The following BRINP3 variants were observed in gnomAD, a reference collection of about 807,000 sequenced individuals.
The protein encoded by BRINP3 is BMP/retinoic acid inducible neural specific 3, also known as BMP/retinoic acid-inducible neural-specific protein 3.
A neutral mutation model predicts 71.0 loss-of-function variants in BRINP3; 19 were observed. That is an observed-to-expected ratio of 0.27 (90% CI 0.19 to 0.39). The LOEUF (loss-of-function observed/expected upper bound fraction) is 0.39. BRINP3 is among the 10% of genes least tolerant of loss of function. The pLI, the probability that BRINP3 is intolerant of heterozygous loss-of-function variation, is 1.00. For synonymous variants in BRINP3, 380 were observed against 337.7 expected, an observed-to-expected ratio of 1.13 and a Z score of -1.37; for missense variants, 959 against 940.8, an observed-to-expected ratio of 1.02 and a Z score of -0.25.
chr1:190,444,668 G>A (rs1675086991), intron 2 of BRINP3, among the ~76,000 whole-genome samples: 1 of 151,980 alleles, frequency 6.6e-6, no homozygotes, highest in Admixed American at 6.6e-5. Flanking sequence ...CTGAGTACCT[G>A]GGATTTACAG....
intron 3 of BRINP3, among the ~76,000 whole-genome samples, chr1:190,266,819 G>A (rs566210654): frequency 1.3e-5 from 2 of 152,284 alleles, no homozygotes; most frequent in South Asian, 4.1e-4. Context: ...TCACAGTGTA[G>A]TTCTGTGAAT....
chr1:190,188,754 G>A (rs1372906398), intron 6 of BRINP3, among the ~76,000 whole-genome samples: 1 of 151,358 alleles, frequency 6.6e-6, no homozygotes, highest in African/African-American at 2.4e-5. Context: ...TGTTTGGCTT[G>A]CTGGTATCTT....
intron 3 of BRINP3, among the ~76,000 whole-genome samples, chr1:190,280,670 G>A (rs146286927): frequency 8.6e-5 from 13 of 151,908 alleles, no homozygotes; most frequent in East Asian, 1.9e-4. Flanking sequence ...GAATCAGTCC[G>A]GCTATCTTTG....
At chr1:190,394,069 TA>T (rs1332903429) in intron 2 of BRINP3, among the ~76,000 whole-genome samples, 1 of 151,646 alleles carries the variant, frequency 6.6e-6, no homozygotes, top group East Asian at 1.9e-4. Flanking sequence ...ATTGAATTTT[TA>T]ATTTCTTATC....
At chr1:190,427,270 A>C (rs752621293) in intron 2 of BRINP3, among the ~76,000 whole-genome samples, 2 of 151,936 alleles carry the variant, frequency 1.3e-5, no homozygotes, top group East Asian at 1.9e-4. Flanking sequence ...CATGACTCTA[A>C]CATCTTATTT....
intron 6 of BRINP3, among the ~76,000 whole-genome samples, chr1:190,198,403 G>T (rs1466602824): frequency 1.3e-5 from 2 of 152,088 alleles, no homozygotes; most frequent in South Asian, 2.1e-4. Context: ...GCATCATCAG[G>T]CTGCAAATTT....
chr1:190,283,299 A>G (rs952617305), intron 2 of BRINP3, among the ~76,000 whole-genome samples: 2 of 152,100 alleles, frequency 1.3e-5, no homozygotes, highest in African/African-American at 2.4e-5. Context: ...AAACTTCACA[A>G]CAGAGATTCT....
At chr1:190,248,749 AAC>A (rs201919170) in intron 4 of BRINP3, among the ~76,000 whole-genome samples, 23 of 151,222 alleles carry the variant, frequency 1.5e-4, no homozygotes, top group African/African-American at 4.6e-4. Flanking sequence ...TATACATTCA[AAC>A]ACACACACAC....
chr1:190,391,120 C>T (rs954998304), intron 2 of BRINP3, among the ~76,000 whole-genome samples: 2 of 151,650 alleles, frequency 1.3e-5, no homozygotes, highest in Admixed American at 1.3e-4. Flanking sequence ...TTCCTGATCC[C>T]TCCTTATTCC....
intron 6 of BRINP3, among the ~76,000 whole-genome samples, chr1:190,161,891 G>A (rs1303107925): frequency 6.6e-6 from 1 of 151,996 alleles, no homozygotes. Flanking sequence ...GACACAAAAG[G>A]AAAAATATAT....
At chr1:190,433,577 C>G (rs1018899134) in intron 2 of BRINP3, among the ~76,000 whole-genome samples, 1 of 152,106 alleles carries the variant, frequency 6.6e-6, no homozygotes, top group Non-Finnish European at 1.5e-5. Flanking sequence ...CTTACTATAA[C>G]CCTTTTTAGA....
chr1:190,155,356 C>T (rs991506172), intron 7 of BRINP3, among the ~76,000 whole-genome samples: 3 of 152,028 alleles, frequency 2.0e-5, no homozygotes. Flanking sequence ...GTGTGTACTT[C>T]TATTCACAAC....
At chr1:190,359,998 G>A (rs1293825490) in intron 2 of BRINP3, among the ~76,000 whole-genome samples, 1 of 152,014 alleles carries the variant, frequency 6.6e-6, no homozygotes, top group Non-Finnish European at 1.5e-5. Flanking sequence ...TTTCATTAGC[G>A]AGAAAAAAGA....
At chr1:190,243,851 T>C (rs567888549) in intron 4 of BRINP3, among the ~76,000 whole-genome samples, 12 of 152,260 alleles carry the variant, frequency 7.9e-5, no homozygotes, top group South Asian at 2.1e-4. Context: ...GCAGTGTTGA[T>C]TATATTCATT....
intron 7 of BRINP3, among the ~76,000 whole-genome samples, chr1:190,117,935 G>A (rs1025394640): frequency 1.3e-5 from 2 of 151,906 alleles, no homozygotes; most frequent in Non-Finnish European, 2.9e-5. Context: ...TTTTGGATTC[G>A]ATGATGTATT....
intron 5 of BRINP3, among the ~76,000 whole-genome samples, chr1:190,232,060 C>T (rs1400198333): frequency 3.3e-5 from 5 of 151,962 alleles, no homozygotes; most frequent in Non-Finnish European, 5.9e-5. Context: ...CGCTCTGATT[C>T]TAAAACTTCA....
At chr1:190,110,204 G>A (rs1489990801) in intron 7 of BRINP3, among the ~76,000 whole-genome samples, 1 of 152,132 alleles carries the variant, frequency 6.6e-6, no homozygotes, top group East Asian at 1.9e-4. Flanking sequence ...AGTAGGGAGA[G>A]TAAGGTACAC....
At chr1:190,204,685 GA>G (rs1655339231) in intron 6 of BRINP3, among the ~76,000 whole-genome samples, 1 of 151,990 alleles carries the variant, frequency 6.6e-6, no homozygotes, top group Non-Finnish European at 1.5e-5. Context: ...TCAGACTATA[GA>G]ATCTCTAATA....
chr1:190,445,854 T>C (rs1675183484), intron 2 of BRINP3, among the ~76,000 whole-genome samples: 1 of 152,114 alleles, frequency 6.6e-6, no homozygotes, highest in Non-Finnish European at 1.5e-5. Flanking sequence ...AATAATCAAA[T>C]AAAGTATTTG....
Sources: allele counts gnomAD v4.1 joint callset (sites outside exome capture counted in the v4.1 genomes callset), GRCh38; gene constraint gnomAD v4.1.1; transcripts MANE v1.5; gene names NCBI Gene and HGNC (gene_info 2026-07-23, HGNC 2026-07-21).